LIMD1: variants seen among roughly 807,000 people sequenced by gnomAD.
The protein encoded by LIMD1 is LIM domain-containing protein 1.
In LIMD1, 23 loss-of-function variants were observed where a neutral mutation model predicts 58.4. That is an observed-to-expected ratio of 0.39 (90% CI 0.28 to 0.56). The LOEUF (loss-of-function observed/expected upper bound fraction) is 0.56, where lower values mean the gene tolerates loss of function less well. Ranked by LOEUF, LIMD1 falls within the 20% of genes least tolerant of loss-of-function variation. LIMD1 has a pLI of 0.57. For missense variants in LIMD1, 838 were observed against 855.5 expected, an observed-to-expected ratio of 0.98 and a Z score of 0.25; for synonymous variants, 334 against 345.5, an observed-to-expected ratio of 0.97 and a Z score of 0.37.
chr3:45,646,675 C>G lies in LIMD1; in HGVS notation c.1510+10424C>G, dbSNP rs1575358057. Among the ~76,000 whole-genome samples, 6 of 151,642 alleles carry G rather than the reference C, an allele frequency of 4.0e-5. No homozygotes were observed. The South Asian group carries it at 1.0e-3, about 26-fold the overall frequency. ...CTACTGTATTGGACTGCATGTAAAG[C>G]CTCTTGTTCCTAAATCTTTTTTTTT... On this transcript the variant is annotated intron_variant, in intron 2 of 7. Transcript: ENST00000273317.
intron 1 of LIMD1, among the ~76,000 whole-genome samples, chr3:45,600,511 C>G (rs1319765674): frequency 6.6e-6 from 1 of 152,136 alleles, no homozygotes; most frequent in African/African-American, 2.4e-5. Context: ...GGGCCTACTT[C>G]CTCCTCCAGC....
chr3:45,633,247 G>A (rs3774669), intron 1 of LIMD1, among the ~76,000 whole-genome samples: 17,332 of 152,060 alleles, frequency 0.11, 1,027 homozygotes, highest in Middle Eastern at 0.14. Context: ...TGCATTTCAT[G>A]GCCATTAAAG....
chr3:45,642,106 C>T (rs1352454725), intron 2 of LIMD1, among the ~76,000 whole-genome samples: 6 of 152,084 alleles, frequency 3.9e-5, no homozygotes, highest in East Asian at 1.9e-4. Flanking sequence ...TTCCCTTACA[C>T]GGATATGAAC....
At chr3:45,645,412 A>G (rs1701890384) in intron 2 of LIMD1, among the ~76,000 whole-genome samples, 1 of 152,100 alleles carries the variant, frequency 6.6e-6, no homozygotes, top group South Asian at 2.1e-4. Context: ...CTTTGGTGTA[A>G]CCTATACCTT....
Position 45,594,858 on chromosome 3 carries a change from G to A in LIMD1, c.-22G>A. 1 of 1,517,456 alleles carries A rather than the reference G, an allele frequency of 6.6e-7. No individual in the cohort carries two copies. Among genetic ancestry groups the A allele is most frequent in the South Asian group, 1.2e-5 (1 of 83,946 alleles). 94.0% of individuals were successfully genotyped at this position (1,517,456 alleles called of 1,614,324 possible). On this transcript the variant is annotated 5_prime_UTR_variant, in exon 1 of 8. Coordinates refer to ENST00000273317, the MANE Select transcript of LIMD1 (RefSeq NM_014240.3). Reference sequence around the variant, plus strand: ...ACACACACACACGGCACCTGGGCTAGGCCCGGACACCTGTCTGCAGCATGG... The same window carrying A: ...ACACACACACACGGCACCTGGGCTAAGCCCGGACACCTGTCTGCAGCATGG...
chr3:45,637,031 C>G (rs1025856645), intron 2 of LIMD1, among the ~76,000 whole-genome samples: 6 of 152,158 alleles, frequency 3.9e-5, no homozygotes, highest in African/African-American at 1.4e-4. Context: ...CAGCTCTCAA[C>G]TAAAAGGGAA....
chr3:45,665,940 G>C (rs1415133589), intron 3 of LIMD1, among the ~76,000 whole-genome samples: 1 of 152,170 alleles, frequency 6.6e-6, no homozygotes, highest in African/African-American at 2.4e-5. Flanking sequence ...CTATCCTCTT[G>C]CTGCTTTCTG....
chr3:45,654,828 A>G (rs867574891), intron 2 of LIMD1, among the ~76,000 whole-genome samples: 12 of 147,436 alleles, frequency 8.1e-5, no homozygotes, highest in African/African-American at 1.8e-4. Flanking sequence ...AAAAAAAAAA[A>G]AAAAAAGAAA....
Position 45,594,827 on chromosome 3 carries a change from A to G in LIMD1, c.-53A>G. ...CACACACACACACACACACACACAC[A>G]CACACACACACACACACGGCACCTG... On this transcript the variant is annotated 5_prime_UTR_variant, in exon 1 of 8. Coordinates refer to ENST00000273317, the MANE Select transcript of LIMD1 (RefSeq NM_014240.3). The G allele has an allele frequency of 2.4e-6, 2 of 827,226 alleles. No individual in the cohort carries two copies. The highest frequency in any genetic ancestry group is 3.7e-6 in the Non-Finnish European group (2 of 541,688). The allele number at this position is 827,226 out of a possible 1,614,324, so 51.2% of individuals were successfully genotyped here.
At chr3:45,600,155 G>A (rs1304419333) in intron 1 of LIMD1, among the ~76,000 whole-genome samples, 3 of 152,178 alleles carry the variant, frequency 2.0e-5, no homozygotes, top group African/African-American at 7.2e-5. Flanking sequence ...CTTCCAAACA[G>A]AAGAATGTTT....
At chr3:45,650,902 G>A (rs1185076242) in intron 2 of LIMD1, among the ~76,000 whole-genome samples, 2 of 151,824 alleles carry the variant, frequency 1.3e-5, no homozygotes, top group Admixed American at 6.6e-5. Context: ...ACATCCTTGA[G>A]GAATTGCCAC....
rs553757543 is a variant in LIMD1, at chr3:45,663,868, A to ATTTTTTTT, written c.1511-1769_1511-1762dup. On this transcript the variant is annotated intron_variant, in intron 2 of 7. Coordinates refer to ENST00000273317, the MANE Select transcript of LIMD1 (RefSeq NM_014240.3). ...TAGTGCGTGGCACCATGCCTGGCTA[A>ATTTTTTTT]TTTTTTTTTTTTTTTTTTTTGAGAC... is the stretch of plus-strand genomic sequence containing the variant. 7.5e-4 allele frequency among the ~76,000 whole-genome samples: 77 copies of ATTTTTTTT among 102,836 alleles called. 5 individuals are homozygous for ATTTTTTTT. The highest frequency in any genetic ancestry group is 2.2e-3 in the African/African-American group (52 of 23,340). 67.5% of individuals were successfully genotyped at this position (102,836 alleles called of 152,430 possible).
rs1379257968 is a variant in LIMD1 at position 45,595,786 on chromosome 3, C to T, written c.907C>T (p.Leu303=). The T allele has an allele frequency of 1.1e-5, 17 of 1,614,036 alleles. No individual in the cohort carries two copies. The highest frequency in any genetic ancestry group is 5.3e-5 in the African/African-American group (4 of 74,952). Residue 303 remains leucine (L), a synonymous_variant, in exon 1 of 8, where the codon CTG becomes TTG. Transcript: ENST00000273317. ...RTPSVSAPLA[L]SCPRQGGLPR... is the part of the protein sequence containing the mutation. Reference sequence around the variant, plus strand: ...CCCTTCTGTGTCAGCACCCTTGGCCCTGAGCTGCCCCAGGCAAGGAGGTCT... The same window carrying T: ...CCCTTCTGTGTCAGCACCCTTGGCCTTGAGCTGCCCCAGGCAAGGAGGTCT...
intron 2 of LIMD1, among the ~76,000 whole-genome samples, chr3:45,650,340 CT>C (rs879430432): frequency 6.6e-6 from 1 of 151,926 alleles, no homozygotes; most frequent in Non-Finnish European, 1.5e-5. Flanking sequence ...ATTTATGTAT[CT>C]TTTTTTAAAT....
chr3:45,637,753 G>A (rs1701803305), intron 2 of LIMD1, among the ~76,000 whole-genome samples: 1 of 152,202 alleles, frequency 6.6e-6, no homozygotes, highest in African/African-American at 2.4e-5. Flanking sequence ...AGTGCATTGT[G>A]GTTAACCAGT....
Position 45,668,333 on chromosome 3 carries a change from T to G in LIMD1, c.1618T>G (p.Cys540Gly). ...FQQSADRCFL[C>G]GHLIMDMILQ... Reference sequence around the variant, plus strand: ...GCAGTCGGCTGACAGGTGTTTTCTTTGTGGACATCTGATCATGGACATGGT... The same window carrying G: ...GCAGTCGGCTGACAGGTGTTTTCTTGGTGGACATCTGATCATGGACATGGT... The change falls in exon 4 of 8, where the codon TGT becomes GGT. Residue 540 changes from cysteine (C) to glycine (G), a missense_variant. This residue lies in a region of LIMD1 where 174 missense variants were observed against 197.4 expected (regional missense o/e 0.88). Coordinates refer to ENST00000273317, the MANE Select transcript of LIMD1 (RefSeq NM_014240.3). 1 of 1,613,276 alleles carries G rather than the reference T, an allele frequency of 6.2e-7. No individual in the cohort carries two copies. The highest frequency in any genetic ancestry group is 8.5e-7 in the Non-Finnish European group (1 of 1,179,378).
intron 1 of LIMD1, among the ~76,000 whole-genome samples, chr3:45,614,523 G>A (rs189341417): frequency 2.8e-4 from 42 of 151,678 alleles, no homozygotes; most frequent in South Asian, 1.3e-3. Context: ...AGAGATTCAA[G>A]ACCAGCCTGG....
At chr3:45,596,557 A>T (rs1701357878) in intron 1 of LIMD1, among the ~76,000 whole-genome samples, 1 of 152,150 alleles carries the variant, frequency 6.6e-6, no homozygotes, top group African/African-American at 2.4e-5. Flanking sequence ...CTGCTCTCAG[A>T]AAAGAGAAAT....
chr3:45,676,811 C>A, intron 7 of LIMD1, 111 bp from the exon 8 acceptor site: 1 of 1,043,618 alleles, frequency 9.6e-7, no homozygotes, highest in Non-Finnish European at 1.5e-6. Flanking sequence ...GCATTTCCTG[C>A]CTATACAGAA....
Sources: allele counts gnomAD v4.1 joint callset (sites outside exome capture counted in the v4.1 genomes callset), GRCh38; gene constraint gnomAD v4.1.1; regional missense constraint gnomAD v4.1.1; transcripts MANE v1.5; gene names NCBI Gene and HGNC (gene_info 2026-07-23, HGNC 2026-07-21).